VPS41: variants seen among roughly 807,000 people sequenced by gnomAD.
The protein encoded by VPS41 is VPS41 subunit of HOPS complex.
A neutral mutation model predicts 130.9 loss-of-function variants in VPS41; 85 were observed. The observed-to-expected ratio is 0.65, with a 90% CI of 0.55 to 0.78. The LOEUF (loss-of-function observed/expected upper bound fraction) is 0.78. VPS41 is among the 30% of genes least tolerant of loss of function. The pLI, the probability that VPS41 is intolerant of heterozygous loss-of-function variation, is 0.00. For missense variants in VPS41, 874 were observed against 1,018.7 expected (o/e 0.86, Z 1.93); for synonymous variants, 335 against 332.9 (o/e 1.01, Z -0.07).
At chr7:38,893,917 CCAAA>C (rs1484912557) in intron 2 of VPS41, among the ~76,000 whole-genome samples, 1 of 151,948 alleles carries the variant, frequency 6.6e-6, no homozygotes, top group African/African-American at 2.4e-5. Context: ...TATTCTTTTC[CCAAA>C]CATATATTAA....
rs956901349 is a variant in VPS41 at position 38,772,624 on chromosome 7, C to T, written c.1026G>A (p.Gly342=). The change falls in exon 13 of 29, where the codon GGG becomes GGA. Residue 342 remains glycine, a synonymous_variant. Coordinates refer to ENST00000310301, the MANE Select transcript of VPS41 (RefSeq NM_014396.4). ...GACTCACGATGTAAAAAAGTGATTC[C>T]CCTTCAGAGTATTCTGTAGGTGAGA... ...CRDYHLEYSE[G]ESLFYIVSPR... The T allele has an allele frequency of 6.2e-7, 1 of 1,611,600 alleles. No individual in the cohort carries two copies. Among genetic ancestry groups the T allele is most frequent in the Non-Finnish European group, 8.5e-7 (1 of 1,178,204 alleles).
chr7:38,908,427 C>T (rs1397930323), intron 1 of VPS41, among the ~76,000 whole-genome samples: 1 of 152,170 alleles, frequency 6.6e-6, no homozygotes, highest in African/African-American at 2.4e-5. Flanking sequence ...TTCAGTGCCA[C>T]GTTGCCAGTT....
intron 5 of VPS41, among the ~76,000 whole-genome samples, chr7:38,829,427 C>T (rs920234967): frequency 6.6e-6 from 1 of 152,174 alleles, no homozygotes; most frequent in South Asian, 2.1e-4. Flanking sequence ...AGGAAATCTG[C>T]TTTACTCAGT....
At chr7:38,855,949 A>G (rs1392510687) in intron 4 of VPS41, among the ~76,000 whole-genome samples, 4 of 152,154 alleles carry the variant, frequency 2.6e-5, no homozygotes, top group African/African-American at 9.7e-5. Flanking sequence ...AAATTCTCCT[A>G]GTTTTGGAGA....
chr7:38,796,953 C>G, intron 7 of VPS41, 89 bp from the exon 8 acceptor site: 1 of 1,487,162 alleles, frequency 6.7e-7, no homozygotes, highest in Non-Finnish European at 9.3e-7. Context: ...ATCCTCGTGA[C>G]CAAATAACAA....
intron 7 of VPS41, among the ~76,000 whole-genome samples, chr7:38,804,401 T>A (rs779872857): frequency 5.3e-5 from 8 of 152,216 alleles, no homozygotes; most frequent in Non-Finnish European, 8.8e-5. Context: ...TTCTCATCAT[T>A]TAGCTCCCAC....
At chr7:38,906,086 G>A (rs529978557) in intron 1 of VPS41, among the ~76,000 whole-genome samples, 6 of 152,024 alleles carry the variant, frequency 3.9e-5, no homozygotes, top group African/African-American at 7.2e-5. Context: ...ATGAGCCACC[G>A]CACGCAGCCC....
At position 38,741,992 on chromosome 7, in the gene VPS41, T is replaced by C. The variant is rs1304978373; in HGVS notation, c.2252A>G (p.Asn751Ser). The C allele has an allele frequency of 6.2e-7, 1 of 1,613,126 alleles. No individual in the cohort carries two copies. The highest frequency in any genetic ancestry group is 8.5e-7 in the Non-Finnish European group (1 of 1,179,596). ...CCAAGAAAGGATACTTACTTGCAAA[T>C]TGTAGTCTTGCAGAATTTTAACCAA... ...DSLVKILQDY[N>S]LQILLREGCK... The change falls in exon 25 of 29, where the codon AAT becomes AGT. Residue 751 changes from asparagine (N) to serine (S), a missense_variant. Physicochemically the swap from Asn to Ser is conservative, Grantham distance 46. Coordinates refer to ENST00000310301, the MANE Select transcript of VPS41 (RefSeq NM_014396.4).
chr7:38,814,690 C>G (rs559212422), intron 7 of VPS41, among the ~76,000 whole-genome samples: 1 of 152,040 alleles, frequency 6.6e-6, no homozygotes, highest in Non-Finnish European at 1.5e-5. Context: ...TAAACCAACA[C>G]AGCAAAATCT....
At chr7:38,837,469 T>C (rs898721660) in intron 4 of VPS41, among the ~76,000 whole-genome samples, 1 of 152,222 alleles carries the variant, frequency 6.6e-6, no homozygotes, top group Non-Finnish European at 1.5e-5. Flanking sequence ...AGCTTTACAT[T>C]TGAAACCATC....
chr7:38,904,168 A>G (rs1255559126), intron 1 of VPS41, among the ~76,000 whole-genome samples: 1 of 152,234 alleles, frequency 6.6e-6, no homozygotes, highest in African/African-American at 2.4e-5. Context: ...AGGGGACTGC[A>G]CAGCCATGAA....
At chr7:38,814,180 G>A (rs1434348018) in intron 7 of VPS41, among the ~76,000 whole-genome samples, 1 of 152,138 alleles carries the variant, frequency 6.6e-6, no homozygotes, top group Non-Finnish European at 1.5e-5. Context: ...ACGGATGTCT[G>A]CAAATGATAT....
rs528724914 is a variant in VPS41, at chr7:38,872,371, C to T, written c.61-3118G>A. Among the ~76,000 whole-genome samples, 148 of 152,282 alleles carry T rather than the reference C, an allele frequency of 9.7e-4. 1 individual carries two copies. The highest frequency in any genetic ancestry group is 1.6e-3 in the Non-Finnish European group (108 of 68,030). ...GTCATTTCTACAATATCCTTTCAGT[C>T]ATACGGGTCAGTCATGATTCAGTGT... is the stretch of plus-strand genomic sequence containing the variant. On this transcript the variant is annotated intron_variant, in intron 2 of 28. Transcript: ENST00000310301.
intron 1 of VPS41, among the ~76,000 whole-genome samples, chr7:38,898,862 T>A (rs1161831404): frequency 6.6e-6 from 1 of 152,232 alleles, no homozygotes; most frequent in Non-Finnish European, 1.5e-5. Flanking sequence ...CTTAACGTAC[T>A]TATAGATATC....
At chr7:38,882,980 T>C (rs1329033921) in intron 2 of VPS41, among the ~76,000 whole-genome samples, 1 of 152,198 alleles carries the variant, frequency 6.6e-6, no homozygotes, top group Non-Finnish European at 1.5e-5. Context: ...CAGTGGCTCA[T>C]GCCTGTAATC....
intron 13 of VPS41, among the ~76,000 whole-genome samples, chr7:38,772,151 C>T (rs1784166243): frequency 6.6e-6 from 1 of 151,984 alleles, no homozygotes; most frequent in East Asian, 1.9e-4. Context: ...TCAAACCATC[C>T]TAAGTGAGTA....
chr7:38,798,753 G>A (rs2115999455), intron 7 of VPS41, among the ~76,000 whole-genome samples: 1 of 152,292 alleles, frequency 6.6e-6, no homozygotes, highest in Admixed American at 6.5e-5. Context: ...GAGAACAGCA[G>A]GGTGGGACAC....
At chr7:38,821,117 AG>A in intron 6 of VPS41, 85 bp downstream of exon 6, 3 of 970,954 alleles carry the variant, frequency 3.1e-6, no homozygotes, top group Non-Finnish European at 4.9e-6. Context: ...AAATTAATAC[AG>A]AAGTGGTAAT....
chr7:38,792,953 T>C (rs980843058), intron 9 of VPS41, among the ~76,000 whole-genome samples: 12 of 152,136 alleles, frequency 7.9e-5, no homozygotes, highest in Non-Finnish European at 1.6e-4. Flanking sequence ...CTGCTCCTTC[T>C]GCTAACACCT....
Sources: gnomAD v4.1 joint callset for allele counts (sites outside exome capture counted in the v4.1 genomes callset) on GRCh38, gnomAD v4.1.1 for gene constraint, MANE v1.5 for transcripts, NCBI Gene and HGNC (gene_info 2026-07-23, HGNC 2026-07-21) for gene names.